Variants in CYP2U1 observed in about 807,000 individuals in gnomAD.
CYP2U1 encodes cytochrome P450 2U1.
Under a neutral mutation model 42.8 loss-of-function variants are expected in CYP2U1, and 28 were observed. The ratio of observed to expected loss-of-function variants is 0.65; its 90% confidence interval spans 0.48 to 0.90. CYP2U1 has a LOEUF of 0.90. CYP2U1 is among the 40% of genes least tolerant of loss of function. The probability of loss-of-function intolerance (pLI) is 0.00; values close to 1 mark genes in which losing one functional copy is unlikely to be tolerated. For missense variants in CYP2U1, 642 were observed against 693.8 expected (o/e 0.93, Z 0.84); for synonymous variants, 296 against 278.9 (o/e 1.06, Z -0.61).
At position 107,947,519 on chromosome 4, in the gene CYP2U1, A is replaced by G. The variant is rs747260582; in HGVS notation, c.1270A>G (p.Met424Val). 1.9e-5 allele frequency: 30 copies of G among 1,613,864 alleles called. No individual in the cohort carries two copies. The highest frequency in any genetic ancestry group is 1.8e-5 in the Non-Finnish European group (21 of 1,179,994). Residue 424 changes from methionine (M) to valine (V), a missense_variant, in exon 3 of 5, where the codon ATG (methionine) becomes GTG (valine). Coordinates refer to ENST00000332884, the MANE Select transcript of CYP2U1 (RefSeq NM_183075.3). ...TVVVPLAIPH[M>V]TSENTVLQGY... is the part of the protein sequence containing the mutation. ...GGTGGTGCCGCTTGCCATTCCTCAT[A>G]TGACCTCAGAGAACACAGGCAAGTC...
chr4:107,944,848 A>ATATATATATATATATATATATATG (rs1477542877), intron 1 of CYP2U1, 122 bp from the exon 2 acceptor site: 5 of 134,700 alleles, frequency 3.7e-5, no homozygotes, highest in East Asian at 2.1e-4. Context: ...ACATATATAT[A>ATATATATATATATATATATATATG]TATTTATATG....
chr4:107,944,956 G>C lies in CYP2U1; in HGVS notation c.491-14G>C. 6.3e-7 allele frequency: 1 copy of C among 1,585,722 alleles called. No individual in the cohort carries two copies. The highest frequency in any genetic ancestry group is 8.6e-7 in the Non-Finnish European group (1 of 1,167,644). On this transcript the variant is annotated splice_polypyrimidine_tract_variant and intron_variant, in intron 1 of 4. Transcript: ENST00000332884. ...TACTGTTTCTCATCTTCCTTTCTTG[G>C]TGTCCCTTTGCAGGGGTTGTGTTTG...
chr4:107,950,305 G>A lies in CYP2U1; in HGVS notation c.1517G>A (p.Ser506Asn). ...ATGGAATTATTCCTAATGTTTGTGA[G>A]CCTAATGCAGAGTTTCGCATTTGCT... ...AKMELFLMFV[S>N]LMQSFAFALP... The change falls in exon 5 of 5, where the codon AGC (serine) becomes AAC (asparagine). Residue 506 changes from serine (S) to asparagine (N), a missense_variant. Ser to Asn is a conservative substitution (Grantham distance 46). Transcript: ENST00000332884. 1 of 1,614,012 alleles carries A rather than the reference G, an allele frequency of 6.2e-7. No homozygotes were observed. The highest frequency in any genetic ancestry group is 8.5e-7 in the Non-Finnish European group (1 of 1,179,978).
chr4:107,942,708 T>A (rs1472576196), intron 1 of CYP2U1, among the ~76,000 whole-genome samples: 1 of 152,176 alleles, frequency 6.6e-6, no homozygotes, highest in East Asian at 1.9e-4. Flanking sequence ...TGACAAATCA[T>A]GCTTGAACAA....
intron 3 of CYP2U1, among the ~76,000 whole-genome samples, chr4:107,948,203 A>G: frequency 6.9e-6 from 1 of 145,928 alleles, no homozygotes; most frequent in Non-Finnish European, 1.5e-5. Flanking sequence ...GGGAGGTTGC[A>G]GTGAGCTGAG....
intron 1 of CYP2U1, chr4:107,936,360 GCTCTGCCTTCATCAATGGA>G (rs1733266700): frequency 6.6e-6 from 1 of 152,240 alleles, no homozygotes; most frequent in Non-Finnish European, 1.5e-5. Context: ...GGTCATGAGG[GCTCTGCCTTCATCAATGGA>G]TTAGTGCTGT....
At chr4:107,936,242 A>T (rs1226162402) in intron 1 of CYP2U1, 1 of 152,178 alleles carries the variant, frequency 6.6e-6, no homozygotes, top group African/African-American at 2.4e-5. Context: ...GGAGCGTTTC[A>T]CTCTTAAGTG....
chr4:107,941,148 T>A (rs954443636), intron 1 of CYP2U1: 1 of 152,042 alleles, frequency 6.6e-6, no homozygotes, highest in Non-Finnish European at 1.5e-5. Context: ...GATCCACTTT[T>A]AAAAAATTTA....
In CYP2U1 at chr4:107,953,205, G is replaced by A. The variant is rs527383136; in HGVS notation, c.*2782G>A. On this transcript the variant is annotated 3_prime_UTR_variant, in exon 5 of 5. Transcript: ENST00000332884. ...TTGAGAAGAAGTCTGTTCTTGGAGA[G>A]ATGTTGAAATTAGATGTTTATTAAA... The A allele has an allele frequency of 6.6e-6, 1 of 152,322 alleles. No individual in the cohort carries two copies. The highest frequency in any genetic ancestry group is 2.4e-5 in the African/African-American group (1 of 41,572). 9.4% of individuals were successfully genotyped at this position (152,322 alleles called of 1,614,324 possible). A position where few individuals can be genotyped will look rare whatever the true frequency, so the allele number is the denominator to read the frequency against.
Position 107,944,996 on chromosome 4 carries a change from G to C in CYP2U1, c.517G>C (p.Val173Leu), listed in dbSNP as rs374109524. ...KGVVFAHYGP[V>L]WRQQRKFSHS... The stretch of plus-strand genomic sequence containing the variant: ...GGTTGTGTTTGCACATTATGGTCCC[G>C]TCTGGAGACAACAAAGGAAGTTCTC... Residue 173 changes from valine to leucine, a missense_variant, in exon 2 of 5, where the codon GTC becomes CTC. Transcript: ENST00000332884. 2.5e-6 allele frequency: 4 copies of C among 1,612,676 alleles called. No individual in the cohort carries two copies. In the South Asian group the frequency reaches 3.3e-5, roughly 13 times the overall value.
In CYP2U1 at chr4:107,950,510, C is replaced by A; in HGVS notation, c.*87C>A. ...CTTCCTACTGCAAAGGACAGTGAAT[C>A]CAGCAACTCAGTGGATCCAAGCTGG... On this transcript the variant is annotated 3_prime_UTR_variant, in exon 5 of 5. Coordinates refer to ENST00000332884, the MANE Select transcript of CYP2U1 (RefSeq NM_183075.3). 1 of 1,371,680 alleles carries A rather than the reference C, an allele frequency of 7.3e-7. No individual in the cohort carries two copies. Among genetic ancestry groups the A allele is most frequent in the Non-Finnish European group, 9.7e-7 (1 of 1,033,554 alleles). The allele number at this position is 1,371,680 out of a possible 1,614,324, so 85.0% of individuals were successfully genotyped here. A position where few individuals can be genotyped will look rare whatever the true frequency, so the allele number is the denominator to read the frequency against.
At chr4:107,937,169 A>T (rs1733301686) in intron 1 of CYP2U1, among the ~76,000 whole-genome samples, 1 of 152,240 alleles carries the variant, frequency 6.6e-6, no homozygotes, top group South Asian at 2.1e-4. Context: ...GAAGTATGGG[A>T]TAGATCAGTC....
intron 3 of CYP2U1, among the ~76,000 whole-genome samples, chr4:107,949,091 G>A (rs756818997): frequency 3.3e-5 from 5 of 151,950 alleles, no homozygotes; most frequent in Non-Finnish European, 7.4e-5. Flanking sequence ...TCATTGTAAT[G>A]TTTTTATGGT....
intron 1 of CYP2U1, among the ~76,000 whole-genome samples, chr4:107,937,134 CA>C (rs2126193610): frequency 6.6e-6 from 1 of 151,874 alleles, no homozygotes; most frequent in Admixed American, 6.5e-5. Context: ...AAATAGAAGG[CA>C]AAAAGAAATT....
chr4:107,949,334 T>C lies in CYP2U1; in HGVS notation c.1289-16T>C. On this transcript the variant is annotated splice_polypyrimidine_tract_variant and intron_variant, in intron 3 of 4. Transcript: ENST00000332884. ...AAGCATACTGAATAACACCCATATGTTTCCTTTTGTTTTAGTGCTCCAAGG... is the reference window on the plus strand; with the variant it reads ...AAGCATACTGAATAACACCCATATGCTTCCTTTTGTTTTAGTGCTCCAAGG... 1 of 1,490,834 alleles carries C rather than the reference T, an allele frequency of 6.7e-7. No individual in the cohort carries two copies. The highest frequency in any genetic ancestry group is 9.0e-7 in the Non-Finnish European group (1 of 1,115,378). The allele number at this position is 1,490,834 out of a possible 1,614,324, so 92.4% of individuals were successfully genotyped here.
chr4:107,931,621 C>A lies in CYP2U1; in HGVS notation c.-23C>A, dbSNP rs533433004. Reference sequence around the variant, plus strand: ...GTCTCCTCCAGGCAGCAAGGGGAACCCGAGGCCGCCGGCGCCCGGACCATG... The same window carrying A: ...GTCTCCTCCAGGCAGCAAGGGGAACACGAGGCCGCCGGCGCCCGGACCATG... On this transcript the variant is annotated 5_prime_UTR_variant, in exon 1 of 5. Coordinates refer to ENST00000332884, the MANE Select transcript of CYP2U1 (RefSeq NM_183075.3). The A allele has an allele frequency of 3.4e-5, 43 of 1,251,188 alleles. No individual in the cohort carries two copies. The highest frequency in any genetic ancestry group is 2.9e-4 in the Admixed American group (7 of 23,852). 77.5% of individuals were successfully genotyped at this position (1,251,188 alleles called of 1,614,324 possible).
chr4:107,932,029 T>A lies in CYP2U1; in HGVS notation c.386T>A (p.Val129Asp). Residue 129 changes from valine to aspartate, a missense_variant, in exon 1 of 5, where the codon GTC becomes GAC. Coordinates refer to ENST00000332884, the MANE Select transcript of CYP2U1 (RefSeq NM_183075.3). ...SFFIGHYLVV[V>D]LSDFHSVREA... ...TTTATCGGCCACTACCTGGTGGTGG[T>A]CCTCAGCGACTTCCACAGCGTGCGC... 1.3e-6 allele frequency: 2 copies of A among 1,566,718 alleles called. No homozygotes were observed.
In CYP2U1 at chr4:107,931,868, G is replaced by C; in HGVS notation, c.225G>C (p.Val75=). Residue 75 remains valine (V), a synonymous_variant, in exon 1 of 5, where the codon GTG becomes GTC. Transcript: ENST00000332884. ...CTCTGGTGGGCAACTTCGGTCACGT[G>C]CTGCTGCCTCCCTTCCTCCGGCGGC... ...PWPLVGNFGH[V]LLPPFLRRRS... is the part of the protein sequence containing the mutation. 1 of 1,547,348 alleles carries C rather than the reference G, an allele frequency of 6.5e-7. No individual in the cohort carries two copies. Among genetic ancestry groups the C allele is most frequent in the South Asian group, 1.2e-5 (1 of 83,782 alleles).
intron 3 of CYP2U1, among the ~76,000 whole-genome samples, chr4:107,948,507 C>T (rs1235922771): frequency 2.0e-5 from 3 of 152,158 alleles, no homozygotes; most frequent in Non-Finnish European, 2.9e-5. Flanking sequence ...GCAGAGGTTG[C>T]GGTGAGCCAA....
Sources: allele counts gnomAD v4.1 joint callset (sites outside exome capture counted in the v4.1 genomes callset), GRCh38; gene constraint gnomAD v4.1.1; transcripts MANE v1.5; gene names NCBI Gene and HGNC (gene_info 2026-07-23, HGNC 2026-07-21).